Variants in CHRM3 observed in about 807,000 individuals in gnomAD.
The protein encoded by CHRM3 is muscarinic acetylcholine receptor M3.
A neutral mutation model predicts 41.8 loss-of-function variants in CHRM3; 11 were observed. The observed-to-expected ratio is 0.26, with a 90% CI of 0.17 to 0.44. The LOEUF (loss-of-function observed/expected upper bound fraction) is 0.44, where lower values mean the gene tolerates loss of function less well. Among genes scored for constraint, CHRM3 ranks in the 20% least tolerant of loss-of-function variants. The pLI is 1.00. For missense variants in CHRM3, 571 were observed against 745.4 expected, an observed-to-expected ratio of 0.77 and a Z score of 2.72; for synonymous variants, 297 against 301.4, an observed-to-expected ratio of 0.99 and a Z score of 0.15.
At chr1:239,606,432 C>T (rs975867484) in intron 3 of CHRM3, among the ~76,000 whole-genome samples, 2 of 152,008 alleles carry the variant, frequency 1.3e-5, no homozygotes, top group South Asian at 2.1e-4. Flanking sequence ...CCCACCAGCA[C>T]GTTCGGCTTA....
At chr1:239,559,468 T>C (rs981724741) in intron 3 of CHRM3, among the ~76,000 whole-genome samples, 9 of 152,178 alleles carry the variant, frequency 5.9e-5, no homozygotes, top group African/African-American at 2.2e-4. Context: ...GAATATTTAA[T>C]CGAATGCCAA....
intron 3 of CHRM3, among the ~76,000 whole-genome samples, chr1:239,598,135 G>A (rs1236856837): frequency 1.3e-5 from 2 of 152,114 alleles, no homozygotes; most frequent in Admixed American, 1.3e-4. Context: ...TACCAGGGCA[G>A]GTGAGGCTCT....
At chr1:239,521,610 A>C (rs1572584214) in intron 2 of CHRM3, among the ~76,000 whole-genome samples, 1 of 152,202 alleles carries the variant, frequency 6.6e-6, no homozygotes, top group East Asian at 1.9e-4. Flanking sequence ...CTAAGTTGTC[A>C]AAAGACTTCT....
intron 4 of CHRM3, among the ~76,000 whole-genome samples, 183 bp downstream of exon 4, chr1:239,632,469 C>T (rs536097291): frequency 1.3e-5 from 2 of 152,272 alleles, no homozygotes; most frequent in East Asian, 1.9e-4. Context: ...TTCATTTTCT[C>T]ATCAGTTTAA....
At chr1:239,397,264 A>T (rs1251526736) in intron 1 of CHRM3, among the ~76,000 whole-genome samples, 2 of 152,244 alleles carry the variant, frequency 1.3e-5, no homozygotes, top group East Asian at 3.8e-4. Context: ...CATAAAGAAT[A>T]GGTGACTCAT....
rs138942844 is a variant in CHRM3 at position 239,455,951 on chromosome 1, G to A, written c.-520-36758G>A. 6.3e-3 allele frequency among the ~76,000 whole-genome samples: 958 copies of A among 152,208 alleles called. 6 individuals carry two copies. Among genetic ancestry groups the A allele is most frequent in the Middle Eastern group, 0.02 (6 of 294 alleles). ...ATTGACAAGGAAGAAGGCTTTAATC[G>A]GGTGCTGTAGACGAGGAAATGGGAG... On this transcript the variant is annotated intron_variant, in intron 1 of 6. Coordinates refer to ENST00000676153, the MANE Select transcript of CHRM3 (RefSeq NM_001375978.1).
intron 5 of CHRM3, among the ~76,000 whole-genome samples, chr1:239,771,265 A>G (rs1667645306): frequency 6.6e-6 from 1 of 151,934 alleles, no homozygotes; most frequent in Non-Finnish European, 1.5e-5. Flanking sequence ...TTCCTCGCAA[A>G]TATCTCTTCA....
At chr1:239,792,337 T>A (rs1393359367) in intron 5 of CHRM3, among the ~76,000 whole-genome samples, 1 of 152,184 alleles carries the variant, frequency 6.6e-6, no homozygotes, top group African/African-American at 2.4e-5. Context: ...CTCTGTGATC[T>A]CTCAGACTGA....
intron 6 of CHRM3, among the ~76,000 whole-genome samples, chr1:239,836,310 T>C (rs2149128136): frequency 6.6e-6 from 1 of 152,310 alleles, no homozygotes; most frequent in Admixed American, 6.5e-5. Context: ...TTTTCTCCAT[T>C]CTGTTACATA....
At chr1:239,736,482 T>A (rs997201352) in intron 5 of CHRM3, among the ~76,000 whole-genome samples, 2 of 152,148 alleles carry the variant, frequency 1.3e-5, no homozygotes, top group Admixed American at 1.3e-4. Context: ...TTCCTTAAAA[T>A]AAATGATACC....
intron 3 of CHRM3, among the ~76,000 whole-genome samples, chr1:239,555,105 C>G (rs1440135814): frequency 6.6e-6 from 1 of 152,056 alleles, no homozygotes; most frequent in Non-Finnish European, 1.5e-5. Flanking sequence ...AGGAAAAATC[C>G]TCAAGATTAT....
chr1:239,799,815 C>T (rs185083898), intron 5 of CHRM3, among the ~76,000 whole-genome samples: 1 of 152,228 alleles, frequency 6.6e-6, no homozygotes, highest in East Asian at 1.9e-4. Context: ...AGCATTTATT[C>T]CCTTGCCGCT....
At chr1:239,674,717 A>AC (rs1449185884) in intron 4 of CHRM3, among the ~76,000 whole-genome samples, 150 of 151,420 alleles carry the variant, frequency 9.9e-4, no homozygotes, top group African/African-American at 2.9e-3. Context: ...CTCAAAAAAA[A>AC]AAAAAAAAAA....
chr1:239,644,054 C>A (rs1378498790), intron 4 of CHRM3, among the ~76,000 whole-genome samples: 3 of 152,208 alleles, frequency 2.0e-5, no homozygotes, highest in Non-Finnish European at 2.9e-5. Context: ...CTATTACTTT[C>A]TTTCATTGAC....
chr1:239,432,746 A>G (rs1291830151), intron 1 of CHRM3, among the ~76,000 whole-genome samples: 1 of 152,212 alleles, frequency 6.6e-6, no homozygotes, highest in African/African-American at 2.4e-5. Flanking sequence ...TGGTACTTCA[A>G]AATGGAAACA....
At chr1:239,614,825 C>T (rs1315644165) in intron 3 of CHRM3, among the ~76,000 whole-genome samples, 2 of 152,072 alleles carry the variant, frequency 1.3e-5, no homozygotes, top group Non-Finnish European at 2.9e-5. Context: ...TTAATTTACA[C>T]AAAAGGTGGG....
intron 6 of CHRM3, among the ~76,000 whole-genome samples, chr1:239,870,592 G>A (rs1373126222): frequency 1.3e-5 from 2 of 152,048 alleles, no homozygotes; most frequent in Non-Finnish European, 2.9e-5. Flanking sequence ...TTGTTCTTTG[G>A]GTATTTTCCC....
chr1:239,805,224 G>A (rs116864419), intron 5 of CHRM3, among the ~76,000 whole-genome samples: 7 of 152,284 alleles, frequency 4.6e-5, no homozygotes, highest in Middle Eastern at 3.4e-3. Context: ...CATTCAGACC[G>A]TGAATCACTG....
intron 3 of CHRM3, among the ~76,000 whole-genome samples, chr1:239,586,550 A>G (rs1277580800): frequency 6.6e-6 from 1 of 152,174 alleles, no homozygotes; most frequent in Non-Finnish European, 1.5e-5. Flanking sequence ...TCAACATTTC[A>G]AGGATCTTAT....
Sources: allele counts gnomAD v4.1 joint callset (sites outside exome capture counted in the v4.1 genomes callset), GRCh38; gene constraint gnomAD v4.1.1; transcripts MANE v1.5; gene names NCBI Gene and HGNC (gene_info 2026-07-23, HGNC 2026-07-21).